The following PLEKHG2 variants were observed in gnomAD, a reference collection of about 807,000 sequenced individuals.
PLEKHG2 encodes pleckstrin homology domain-containing family G member 2.
A neutral mutation model predicts 104.4 loss-of-function variants in PLEKHG2; 71 were observed. That is an observed-to-expected ratio of 0.68 (90% CI 0.56 to 0.83). The LOEUF is 0.83. Among genes scored for constraint, PLEKHG2 ranks in the 40% least tolerant of loss-of-function variants. The pLI is 0.00. For synonymous variants in PLEKHG2, 728 were observed against 737.0 expected, an observed-to-expected ratio of 0.99 and a Z score of 0.20; for missense variants, 1,730 against 1,809.4, an observed-to-expected ratio of 0.96 and a Z score of 0.80.
At position 39,423,894 on chromosome 19, in the gene PLEKHG2, A is replaced by G. The variant is rs757990058; in HGVS notation, c.2761A>G (p.Asn921Asp). 6.2e-6 allele frequency: 10 copies of G among 1,614,134 alleles called. No homozygotes were observed. In the South Asian group the frequency reaches 1.1e-4, roughly 18 times the overall value. Residue 921 changes from asparagine (N) to aspartate (D), a missense_variant, in exon 19 of 19, where the codon AAT becomes GAT. By Grantham distance (23) the Asn-to-Asp change is conservative. Transcript: ENST00000425673. The stretch of plus-strand genomic sequence containing the variant: ...GGATGGCCAGGGTCTACATGTTTCC[A>G]ATTTGCCTAAGCAAGACCTTCCGGG... The part of the protein sequence containing the change: ...SPDGQGLHVS[N>D]LPKQDLPGIH...
intron 9 of PLEKHG2, 58 bp downstream of exon 9, chr19:39,418,163 C>T: frequency 4.4e-6 from 6 of 1,351,120 alleles, no homozygotes; most frequent in Non-Finnish European, 5.8e-6. Flanking sequence ...TCCCATATAC[C>T]TGTATCTGTG....
In PLEKHG2 at chr19:39,424,789, G is replaced by C. The variant is rs763095978; in HGVS notation, c.3656G>C (p.Gly1219Ala). 28 of 1,613,988 alleles carry C rather than the reference G, an allele frequency of 1.7e-5. No homozygotes were observed. The part of the protein sequence containing the change: ...PAATPLPERG[G>A]SLDIQGLSPT... Reference sequence around the variant, plus strand: ...GCCACACCTTTACCTGAGAGAGGAGGCTCTCTAGACATTCAGGGCCTCTCA... The same window carrying C: ...GCCACACCTTTACCTGAGAGAGGAGCCTCTCTAGACATTCAGGGCCTCTCA... The change falls in exon 19 of 19, where the codon GGC becomes GCC. Residue 1219 changes from glycine (G) to alanine (A), a missense_variant. Transcript: ENST00000425673.
At chr19:39,418,534 A>G (rs533505971) in intron 9 of PLEKHG2, among the ~76,000 whole-genome samples, 200 bp from the exon 10 acceptor site, 142 of 151,876 alleles carry the variant, frequency 9.3e-4, no homozygotes, top group Non-Finnish European at 1.6e-3. Context: ...AGCCAAGATC[A>G]TGCCACTGCA....
At chr19:39,418,612 A>G in intron 9 of PLEKHG2, 122 bp from the exon 10 acceptor site, 1 of 702,046 alleles carries the variant, frequency 1.4e-6, no homozygotes, top group Non-Finnish European at 2.4e-6. Flanking sequence ...CCCACCATAC[A>G]GCCTTATGGG....
In PLEKHG2 at chr19:39,425,666, C is replaced by CGT. The variant is rs911978351; in HGVS notation, c.*380_*381dup. 35 of 359,290 alleles carry CGT rather than the reference C, an allele frequency of 9.7e-5. No individual in the cohort carries two copies. The highest frequency in any genetic ancestry group is 6.9e-4 in the African/African-American group (33 of 47,790). The allele number at this position is 359,290 out of a possible 1,614,324, so 22.3% of individuals were successfully genotyped here. On this transcript the variant is annotated 3_prime_UTR_variant, in exon 19 of 19. Coordinates refer to ENST00000425673, the MANE Select transcript of PLEKHG2 (RefSeq NM_022835.3). ...GGAAAATGGACCCACTATAACTTGG[C>CGT]GTGTGTGTGAACTGCTTGATGCCCA...
Position 39,424,831 on chromosome 19 carries a change from C to A in PLEKHG2, c.3698C>A (p.Thr1233Asn), listed in dbSNP as rs760605533. 103 of 1,614,074 alleles carry A rather than the reference C, an allele frequency of 6.4e-5. No homozygotes were observed. The highest frequency in any genetic ancestry group is 8.6e-5 in the Non-Finnish European group (102 of 1,180,044). The change falls in exon 19 of 19, where the codon ACC (threonine) becomes AAC (asparagine). Residue 1233 changes from threonine to asparagine, a missense_variant. Thr to Asn is a moderately conservative substitution (Grantham distance 65). Transcript: ENST00000425673. ...GGCCTCTCACCCACCCCAGTTCAGACCACCATGGTTTTGTCCAAACCAGGA... is the reference window on the plus strand; with the variant it reads ...GGCCTCTCACCCACCCCAGTTCAGAACACCATGGTTTTGTCCAAACCAGGA... ...IQGLSPTPVQ[T>N]TMVLSKPGGS...
At chr19:39,420,915 G>C (rs1270777184) in intron 13 of PLEKHG2, 34 bp from the exon 14 acceptor site, 1 of 1,613,972 alleles carries the variant, frequency 6.2e-7, no homozygotes, top group African/African-American at 1.3e-5. Context: ...CCGGGAGCTG[G>C]GCTCACACAG....
chr19:39,415,352 C>T lies in PLEKHG2; in HGVS notation c.392C>T (p.Pro131Leu). ...LRSIVEDYLG[P>L]LLDGGVLGLS... ...TCATCCCAACAGGACTACCTGGGCCCTCTGCTGGACGGCGGGGTCCTGGGG... is the reference window on the plus strand; with the variant it reads ...TCATCCCAACAGGACTACCTGGGCCTTCTGCTGGACGGCGGGGTCCTGGGG... The change falls in exon 4 of 19, where the codon CCT becomes CTT. Residue 131 changes from proline (P) to leucine (L), a missense_variant. Transcript: ENST00000425673. This position sits in a 1 kb window ranked among gnomAD's most constrained non-coding sequence, Gnocchi z 4.6. 1 of 1,614,108 alleles carries T rather than the reference C, an allele frequency of 6.2e-7. No homozygotes were observed. The highest frequency in any genetic ancestry group is 1.1e-5 in the South Asian group (1 of 91,070).
At position 39,424,315 on chromosome 19, in the gene PLEKHG2, C is replaced by T. The variant is rs1479581746; in HGVS notation, c.3182C>T (p.Ser1061Phe). The change falls in exon 19 of 19, where the codon TCC becomes TTC. Residue 1061 changes from serine (S) to phenylalanine (F), a missense_variant. Coordinates refer to ENST00000425673, the MANE Select transcript of PLEKHG2 (RefSeq NM_022835.3). Reference protein sequence around the residue: ...TNIPLTKQGGSRDVQGPDPVC... With the variant: ...TNIPLTKQGGFRDVQGPDPVC... ...ATCCCACTGACAAAGCAAGGAGGTT[C>T]CAGGGATGTTCAGGGCCCAGACCCT... 8.1e-6 allele frequency: 13 copies of T among 1,614,148 alleles called. No homozygotes were observed. The highest frequency in any genetic ancestry group is 1.0e-5 in the Non-Finnish European group (12 of 1,180,014).
At chr19:39,417,345 G>T (rs1478883494) in intron 7 of PLEKHG2, among the ~76,000 whole-genome samples, 1 of 151,596 alleles carries the variant, frequency 6.6e-6, no homozygotes, top group Non-Finnish European at 1.5e-5. Flanking sequence ...TAGGGACGGG[G>T]TTTCACTACG....
In PLEKHG2 at chr19:39,424,857, G is replaced by C. The variant is rs138840836; in HGVS notation, c.3724G>C (p.Gly1242Arg). 10 of 1,614,186 alleles carry C rather than the reference G, an allele frequency of 6.2e-6. No individual in the cohort carries two copies. In the South Asian group the frequency reaches 9.9e-5, roughly 16 times the overall value. Residue 1242 changes from glycine (G) to arginine (R), a missense_variant, in exon 19 of 19, where the codon GGC becomes CGC. By Grantham distance (125) the Gly-to-Arg change is moderately radical. Transcript: ENST00000425673. ...CACCATGGTTTTGTCCAAACCAGGAGGCTCCTTAGCCTCTCACGTTGCCAG... is the reference window on the plus strand; with the variant it reads ...CACCATGGTTTTGTCCAAACCAGGACGCTCCTTAGCCTCTCACGTTGCCAG... ...QTTMVLSKPG[G>R]SLASHVARLE... is the part of the protein sequence containing the mutation.
chr19:39,422,735 T>A lies in PLEKHG2; in HGVS notation c.1681T>A (p.Ser561Thr). The A allele has an allele frequency of 6.6e-7, 1 of 1,519,290 alleles. No individual in the cohort carries two copies. The highest frequency in any genetic ancestry group is 8.8e-7 in the Non-Finnish European group (1 of 1,136,094). 94.1% of individuals were successfully genotyped at this position (1,519,290 alleles called of 1,614,324 possible). A position where few individuals can be genotyped will look rare whatever the true frequency, so the allele number is the denominator to read the frequency against. The change falls in exon 18 of 19, where the codon TCC becomes ACC. Residue 561 changes from serine to threonine, a missense_variant. Transcript: ENST00000425673. ...NQRGLRDPGP[S>T]THDIPKFPGD... ...TGTTCTCCTGTGCCCACTATAGCCG[T>A]CCACCCATGACATTCCCAAGTTCCC... is the stretch of plus-strand genomic sequence containing the variant.
At chr19:39,421,051 G>A (rs1233360229) in intron 14 of PLEKHG2, 24 bp from the exon 15 acceptor site, 3 of 1,614,002 alleles carry the variant, frequency 1.9e-6, no homozygotes, top group South Asian at 1.1e-5. Flanking sequence ...CTGGGCTCCT[G>A]ACATCACTGT....
chr19:39,416,548 C>G lies in PLEKHG2; in HGVS notation c.547-3C>G. The G allele has an allele frequency of 6.2e-7, 1 of 1,609,910 alleles. No individual in the cohort carries two copies. The highest frequency in any genetic ancestry group is 8.5e-7 in the Non-Finnish European group (1 of 1,178,534). On this transcript the variant is annotated splice_polypyrimidine_tract_variant and splice_region_variant and intron_variant, in intron 5 of 18. Coordinates refer to ENST00000425673, the MANE Select transcript of PLEKHG2 (RefSeq NM_022835.3). The surrounding 1 kb of genome is among the most constrained non-coding windows in gnomAD (Gnocchi z 4.5). ...GTCTCCCTGACTCCCATGTCACCCG[C>G]AGAGCGAGGATTTTGACATCTACAC...
rs2078718909 is a variant in PLEKHG2 at position 39,422,724 on chromosome 19, C to T, written c.1678-8C>T. On this transcript the variant is annotated splice_region_variant and splice_polypyrimidine_tract_variant and intron_variant, in intron 17 of 18. Coordinates refer to ENST00000425673, the MANE Select transcript of PLEKHG2 (RefSeq NM_022835.3). Reference sequence around the variant, plus strand: ...TATGTTTGGCTTGTTCTCCTGTGCCCACTATAGCCGTCCACCCATGACATT... The same window carrying T: ...TATGTTTGGCTTGTTCTCCTGTGCCTACTATAGCCGTCCACCCATGACATT... 10 of 1,518,008 alleles carry T rather than the reference C, an allele frequency of 6.6e-6. No homozygotes were observed. The highest frequency in any genetic ancestry group is 7.9e-6 in the Non-Finnish European group (9 of 1,135,312). 94.0% of individuals were successfully genotyped at this position (1,518,008 alleles called of 1,614,324 possible).
rs1049081847 is a variant in PLEKHG2 at position 39,415,771 on chromosome 19, G to A, written c.479+332G>A. Among the ~76,000 whole-genome samples, 4 of 152,144 alleles carry A rather than the reference G, an allele frequency of 2.6e-5. No individual in the cohort carries two copies. Among genetic ancestry groups the A allele is most frequent in the Non-Finnish European group, 5.9e-5 (4 of 68,022 alleles). ...AGCCCAAACACTGGGACAGGGTCCC[G>A]GCATCAGGACGAGTCCTTGGGGCTG... On this transcript the variant is annotated intron_variant, in intron 4 of 18. Transcript: ENST00000425673. This position sits in a 1 kb window ranked among gnomAD's most constrained non-coding sequence, Gnocchi z 4.6.
rs766564150 is a variant in PLEKHG2, at chr19:39,422,941, T to C, written c.1887T>C (p.Ile629=). The C allele has an allele frequency of 6.2e-7, 1 of 1,613,906 alleles. No homozygotes were observed. The highest frequency in any genetic ancestry group is 1.7e-5 in the Admixed American group (1 of 60,014). The change falls in exon 18 of 19, where the codon ATT becomes ATC. Residue 629 remains isoleucine (I), a synonymous_variant. Coordinates refer to ENST00000425673, the MANE Select transcript of PLEKHG2 (RefSeq NM_022835.3). Reference sequence around the variant, plus strand: ...CCATTGCAGCTGAAATGCCCAGCATTCCCTGCCTTACCAAAATTCCTGACG... The same window carrying C: ...CCATTGCAGCTGAAATGCCCAGCATCCCCTGCCTTACCAAAATTCCTGACG... ...ESSIAAEMPS[I]PCLTKIPDVP...
rs1326081132 is a variant in PLEKHG2, at chr19:39,413,661, C to A, written c.-23+249C>A. 1 of 154,936 alleles carries A rather than the reference C, an allele frequency of 6.5e-6. No homozygotes were observed. Among genetic ancestry groups the A allele is most frequent in the East Asian group, 1.9e-4 (1 of 5,270 alleles). The allele number at this position is 154,936 out of a possible 1,614,324, so 9.6% of individuals were successfully genotyped here. A position where few individuals can be genotyped will look rare whatever the true frequency, so the allele number is the denominator to read the frequency against. On this transcript the variant is annotated intron_variant, in intron 1 of 18. Coordinates refer to ENST00000425673, the MANE Select transcript of PLEKHG2 (RefSeq NM_022835.3). The surrounding 1 kb of genome is among the most constrained non-coding windows in gnomAD (Gnocchi z 4.5). Reference sequence around the variant, plus strand: ...GCGCAGCCCTCGGCGGGGGAGGGAGCCGTCTGCAGGACCCTGGCATCCGGT... The same window carrying A: ...GCGCAGCCCTCGGCGGGGGAGGGAGACGTCTGCAGGACCCTGGCATCCGGT...
At position 39,415,614 on chromosome 19, in the gene PLEKHG2, G is replaced by C. The variant is rs3848627; in HGVS notation, c.479+175G>C. ...GACCCCGAGTGAGGGAGGGGCATAG[G>C]GGATGGGAGGACCCCGAGTGAGGGA... On this transcript the variant is annotated intron_variant, in intron 4 of 18. Coordinates refer to ENST00000425673, the MANE Select transcript of PLEKHG2 (RefSeq NM_022835.3). This position sits in a 1 kb window ranked among gnomAD's most constrained non-coding sequence, Gnocchi z 4.6. 0.095 allele frequency among the ~76,000 whole-genome samples: 10,850 copies of C among 114,630 alleles called. 1,424 individuals carry two copies. Among genetic ancestry groups the C allele is most frequent in the Middle Eastern group, 0.16 (36 of 226 alleles). 75.2% of individuals were successfully genotyped at this position (114,630 alleles called of 152,430 possible). A position where few individuals can be genotyped will look rare whatever the true frequency, so the allele number is the denominator to read the frequency against.
Sources: allele counts gnomAD v4.1 joint callset (sites outside exome capture counted in the v4.1 genomes callset), GRCh38; gene constraint gnomAD v4.1.1; non-coding constraint Gnocchi (gnomAD v3.1); transcripts MANE v1.5; gene names NCBI Gene and HGNC (gene_info 2026-07-23, HGNC 2026-07-21).